B3GALT1: variants seen among roughly 807,000 people sequenced by gnomAD.
B3GALT1 encodes the protein UDP-Gal:betaGlcNAc beta 1,3-galactosyltransferase, polypeptide 1.
Under a neutral mutation model 23.2 loss-of-function variants are expected in B3GALT1, and 10 were observed. The observed-to-expected ratio is 0.43, with a 90% CI of 0.27 to 0.73. The LOEUF is 0.73. Ranked by LOEUF, B3GALT1 falls within the 30% of genes least tolerant of loss-of-function variation. B3GALT1 has a pLI of 0.21. For synonymous variants in B3GALT1, 156 were observed against 141.5 expected (o/e 1.10, Z -0.73); for missense variants, 299 against 405.4 (o/e 0.74, Z 2.25).
chr2:167,405,799 G>A (rs556127406), intron 1 of B3GALT1, among the ~76,000 whole-genome samples: 12 of 152,012 alleles, frequency 7.9e-5, no homozygotes, highest in South Asian at 2.1e-4. Context: ...GAATTTCCCC[G>A]TAGAGAATCA....
intron 1 of B3GALT1, among the ~76,000 whole-genome samples, chr2:167,323,841 A>AT (rs934540192): frequency 4.6e-5 from 7 of 151,328 alleles, no homozygotes; most frequent in East Asian, 3.9e-4. Context: ...AGAAATTCTT[A>AT]TTTTTTTTTC....
At chr2:167,554,697 C>T (rs1683813350) in intron 2 of B3GALT1, among the ~76,000 whole-genome samples, 1 of 152,116 alleles carries the variant, frequency 6.6e-6, no homozygotes, top group Non-Finnish European at 1.5e-5. Flanking sequence ...ACATCTTCCA[C>T]AAAAGATTTT....
chr2:167,795,009 A>C (rs1264298555), intron 3 of B3GALT1, among the ~76,000 whole-genome samples: 1 of 152,210 alleles, frequency 6.6e-6, no homozygotes, highest in African/African-American at 2.4e-5. Flanking sequence ...TCTGATTGCA[A>C]ACAATTGATT....
chr2:167,788,333 A>AT (rs764429001), intron 3 of B3GALT1, among the ~76,000 whole-genome samples: 23 of 151,948 alleles, frequency 1.5e-4, no homozygotes, highest in Non-Finnish European at 3.1e-4. Flanking sequence ...TGTGCACCTT[A>AT]TTTATATTAT....
At chr2:167,330,301 T>C (rs1443112309) in intron 1 of B3GALT1, among the ~76,000 whole-genome samples, 3 of 146,626 alleles carry the variant, frequency 2.0e-5, no homozygotes, top group Non-Finnish European at 2.9e-5. Context: ...TAGTCTATTG[T>C]TGAAGCTTTC....
At chr2:167,343,213 T>G (rs943722188) in intron 1 of B3GALT1, among the ~76,000 whole-genome samples, 2 of 152,190 alleles carry the variant, frequency 1.3e-5, no homozygotes, top group South Asian at 4.1e-4. Context: ...GAAACTTGCT[T>G]TATGACATTA....
chr2:167,371,725 A>G (rs1017813351), intron 1 of B3GALT1, among the ~76,000 whole-genome samples: 7 of 152,028 alleles, frequency 4.6e-5, no homozygotes, highest in African/African-American at 1.7e-4. Flanking sequence ...CAAATTACAC[A>G]TATTCAAAAG....
intron 3 of B3GALT1, among the ~76,000 whole-genome samples, chr2:167,788,559 T>G (rs1464920168): frequency 3.3e-5 from 5 of 152,018 alleles, no homozygotes; most frequent in Admixed American, 2.0e-4. Context: ...TATGAGAATC[T>G]AATGTCACTT....
intron 1 of B3GALT1, among the ~76,000 whole-genome samples, chr2:167,342,650 A>G (rs1301066063): frequency 6.6e-6 from 1 of 151,808 alleles, no homozygotes; most frequent in African/African-American, 2.4e-5. Flanking sequence ...AAATGAGTGC[A>G]TGCCACATTC....
At position 167,870,467 on chromosome 2, in the gene B3GALT1, G is replaced by GTTGT. The variant is rs1348348644; in HGVS notation, c.*449_*452dup. 1 of 170,682 alleles carries GTTGT rather than the reference G, an allele frequency of 5.9e-6. No homozygotes were observed. Among genetic ancestry groups the GTTGT allele is most frequent in the African/African-American group, 2.4e-5 (1 of 41,516 alleles). 10.6% of individuals were successfully genotyped at this position (170,682 alleles called of 1,614,324 possible). ...GGATGTGATTATTAATATCGTGTGT[G>GTTGT]TTGTTACATTATATTTTTACATATA... On this transcript the variant is annotated 3_prime_UTR_variant, in exon 5 of 5. Coordinates refer to ENST00000392690, the MANE Select transcript of B3GALT1 (RefSeq NM_020981.4).
At chr2:167,319,835 T>C (rs1009513922) in intron 1 of B3GALT1, among the ~76,000 whole-genome samples, 2 of 152,160 alleles carry the variant, frequency 1.3e-5, no homozygotes, top group Admixed American at 6.5e-5. Flanking sequence ...AAGCCTTTTG[T>C]TATGATTACC....
intron 2 of B3GALT1, among the ~76,000 whole-genome samples, chr2:167,600,157 A>G (rs1684849642): frequency 6.6e-6 from 1 of 152,166 alleles, no homozygotes; most frequent in Non-Finnish European, 1.5e-5. Context: ...TCAAGAGTGA[A>G]ATGACCTTCA....
rs1252168539 is a variant in B3GALT1 at position 167,500,505 on chromosome 2, G to C, written c.-410+10228G>C. Among the ~76,000 whole-genome samples the C allele has an allele frequency of 2.0e-5, 3 of 152,054 alleles. No homozygotes were observed. In the East Asian group the frequency reaches 5.8e-4, roughly 29 times the overall value. ...TTTGTATTTGTTCTATGAATCGGGG[G>C]ACTGGAGTTGGCACTCCTCTCAGTT... On this transcript the variant is annotated intron_variant, in intron 2 of 4. Coordinates refer to ENST00000392690, the MANE Select transcript of B3GALT1 (RefSeq NM_020981.4).
intron 1 of B3GALT1, among the ~76,000 whole-genome samples, chr2:167,429,591 A>T (rs1036326627): frequency 6.6e-6 from 1 of 152,180 alleles, no homozygotes; most frequent in East Asian, 1.9e-4. Context: ...AAAAGAAAAA[A>T]TAAGCACAAT....
At chr2:167,830,440 G>A (rs1296189314) in intron 4 of B3GALT1, among the ~76,000 whole-genome samples, 1 of 151,900 alleles carries the variant, frequency 6.6e-6, no homozygotes, top group Non-Finnish European at 1.5e-5. Context: ...AGCCTTCAGT[G>A]AAATGCTTTC....
intron 3 of B3GALT1, among the ~76,000 whole-genome samples, chr2:167,725,374 C>T (rs766109172): frequency 1.7e-4 from 26 of 152,246 alleles, no homozygotes; most frequent in Non-Finnish European, 3.2e-4. Flanking sequence ...CCTGGAAGTG[C>T]TTGGTTGAGT....
chr2:167,369,972 A>T (rs1262268478), intron 1 of B3GALT1, among the ~76,000 whole-genome samples: 1 of 152,178 alleles, frequency 6.6e-6, no homozygotes, highest in African/African-American at 2.4e-5. Flanking sequence ...AAGCCAGAAG[A>T]CACTGAATTC....
At chr2:167,717,447 CAT>C (rs566382420) in intron 3 of B3GALT1, among the ~76,000 whole-genome samples, 192 of 151,982 alleles carry the variant, frequency 1.3e-3, no homozygotes, top group African/African-American at 4.5e-3. Flanking sequence ...CCCTACTATA[CAT>C]GTTTTATACA....
intron 2 of B3GALT1, among the ~76,000 whole-genome samples, chr2:167,537,475 A>G (rs1683449564): frequency 6.6e-6 from 1 of 152,156 alleles, no homozygotes; most frequent in Non-Finnish European, 1.5e-5. Context: ...TAATCAAGAA[A>G]AGGACTTAAA....
Sources: gnomAD v4.1 joint callset for allele counts (sites outside exome capture counted in the v4.1 genomes callset) on GRCh38, gnomAD v4.1.1 for gene constraint, MANE v1.5 for transcripts, NCBI Gene and HGNC (gene_info 2026-07-23, HGNC 2026-07-21) for gene names.